Variants in NAALADL2 observed in about 807,000 individuals in gnomAD.
NAALADL2 encodes inactive N-acetylated-alpha-linked acidic dipeptidase-like protein 2.
NAALADL2 carries 76 observed loss-of-function variants against 87.2 expected under a neutral mutation model. The ratio of observed to expected loss-of-function variants is 0.87; its 90% CI spans 0.72 to 1.05. The LOEUF is 1.05. Among genes scored for constraint, NAALADL2 ranks in the 50% least tolerant of loss-of-function variants. The pLI is 0.00. For missense variants in NAALADL2, 1,089 were observed against 945.8 expected (o/e 1.15, Z -1.99); for synonymous variants, 354 against 331.0 (o/e 1.07, Z -0.75).
chr3:174,858,828 A>G (rs1246389409), upstream of NAALADL2, among the ~76,000 whole-genome samples: 1 of 151,966 alleles, frequency 6.6e-6, no homozygotes, highest in African/African-American at 2.4e-5. Context: ...TCTATTTTAT[A>G]GTTTAGGAAA....
chr3:174,696,512 ATTTATTAATTACCTTACCT>A (rs1362001190), intron 2 of NAALADL2, among the ~76,000 whole-genome samples: 1 of 149,370 alleles, frequency 6.7e-6, no homozygotes, highest in Admixed American at 6.8e-5. Flanking sequence ...TACTGCTATC[ATTTATTAATTACCTTACCT>A]TTTTCTCACC....
chr3:174,607,156 C>T (rs1161833586), intron 2 of NAALADL2, among the ~76,000 whole-genome samples: 4 of 151,926 alleles, frequency 2.6e-5, no homozygotes, highest in East Asian at 1.9e-4. Context: ...TAAAAGAGCT[C>T]CTGAAGTAAG....
intron 2 of NAALADL2, among the ~76,000 whole-genome samples, chr3:174,708,024 CA>C (rs892533671): frequency 6.6e-6 from 1 of 151,656 alleles, no homozygotes; most frequent in Non-Finnish European, 1.5e-5. Context: ...TACTTCAATA[CA>C]AAAAAAATCT....
At chr3:175,394,881 T>TTTGAAGACAAA (rs1769559961) in intron 5 of NAALADL2, among the ~76,000 whole-genome samples, 1 of 152,188 alleles carries the variant, frequency 6.6e-6, no homozygotes, top group Non-Finnish European at 1.5e-5. Context: ...CTTCTCACAA[T>TTTGAAGACAAA]TTGACAGACA....
chr3:174,929,594 A>G (rs1168781310), intron 1 of NAALADL2, among the ~76,000 whole-genome samples: 1 of 151,838 alleles, frequency 6.6e-6, no homozygotes, highest in South Asian at 2.1e-4. Context: ...ATGAAAATTT[A>G]TTTTATTTTT....
At chr3:174,705,445 A>G (rs755618801) in intron 2 of NAALADL2, among the ~76,000 whole-genome samples, 1 of 152,152 alleles carries the variant, frequency 6.6e-6, no homozygotes, top group Non-Finnish European at 1.5e-5. Context: ...CACAGTTACA[A>G]TATATTCCAG....
chr3:175,561,801 T>C (rs1023400355), intron 9 of NAALADL2, among the ~76,000 whole-genome samples: 1 of 152,204 alleles, frequency 6.6e-6, no homozygotes, highest in African/African-American at 2.4e-5. Context: ...ATATGACTTT[T>C]AGGAGGGAAC....
At chr3:175,715,108 G>T (rs559555542) in intron 11 of NAALADL2, among the ~76,000 whole-genome samples, 1 of 152,078 alleles carries the variant, frequency 6.6e-6, no homozygotes, top group Non-Finnish European at 1.5e-5. Flanking sequence ...TTAATCATAC[G>T]TGGAACCTTT....
At chr3:175,517,962 G>A (rs1732116226) in intron 9 of NAALADL2, among the ~76,000 whole-genome samples, 1 of 152,150 alleles carries the variant, frequency 6.6e-6, no homozygotes, top group South Asian at 2.1e-4. Context: ...TATGGAAATG[G>A]GCTTTCCACT....
intron 2 of NAALADL2, among the ~76,000 whole-genome samples, chr3:174,580,420 TG>T (rs999135508): frequency 6.6e-6 from 1 of 152,216 alleles, no homozygotes; most frequent in South Asian, 2.1e-4. Flanking sequence ...GGGAAATACT[TG>T]ACATATAATA....
chr3:175,714,356 A>C (rs1250173742), intron 11 of NAALADL2, among the ~76,000 whole-genome samples: 1 of 152,088 alleles, frequency 6.6e-6, no homozygotes, highest in Non-Finnish European at 1.5e-5. Context: ...AACAGTGTAA[A>C]AGCATCCCTA....
intron 9 of NAALADL2, among the ~76,000 whole-genome samples, chr3:175,501,100 A>G (rs959939371): frequency 3.9e-5 from 6 of 152,118 alleles, no homozygotes; most frequent in Admixed American, 6.6e-5. Context: ...AGGATTTTAT[A>G]GGGGTAGATT....
intron 1 of NAALADL2, among the ~76,000 whole-genome samples, chr3:174,940,854 G>C (rs1324479562): frequency 6.6e-6 from 1 of 151,794 alleles, no homozygotes; most frequent in Non-Finnish European, 1.5e-5. Flanking sequence ...GTCACTGGTA[G>C]CATTCCTTTT....
chr3:175,759,194 A>G (rs1256506835), intron 13 of NAALADL2, among the ~76,000 whole-genome samples: 1 of 152,102 alleles, frequency 6.6e-6, no homozygotes, highest in South Asian at 2.1e-4. Context: ...CCCTACCTTC[A>G]AGGAGCTTCA....
chr3:175,083,276 T>C (rs1718230751), intron 1 of NAALADL2, among the ~76,000 whole-genome samples: 1 of 152,206 alleles, frequency 6.6e-6, no homozygotes, highest in Non-Finnish European at 1.5e-5. Flanking sequence ...GTCTTTGTTT[T>C]CTTTTTCAGA....
At chr3:175,431,627 A>C (rs1185401060) in intron 5 of NAALADL2, among the ~76,000 whole-genome samples, 1 of 151,982 alleles carries the variant, frequency 6.6e-6, no homozygotes, top group Non-Finnish European at 1.5e-5. Flanking sequence ...AATGGGATTC[A>C]CAGTAACGTG....
intron 3 of NAALADL2, among the ~76,000 whole-genome samples, chr3:174,741,151 T>A (rs1301922644): frequency 6.6e-6 from 1 of 151,754 alleles, no homozygotes; most frequent in Non-Finnish European, 1.5e-5. Context: ...CTTGCTGATA[T>A]TCTAAGTCTT....
At chr3:175,155,702 C>T (rs932066618) in intron 2 of NAALADL2, among the ~76,000 whole-genome samples, 6 of 152,042 alleles carry the variant, frequency 3.9e-5, no homozygotes, top group African/African-American at 1.4e-4. Flanking sequence ...ATGACTATTA[C>T]ATTTAGAATA....
chr3:175,658,438 C>T lies in NAALADL2; in HGVS notation c.1896+31052C>T, dbSNP rs114756326. ...ATATATTATTTTTAGATTGAAACTC[C>T]GATACTACCTTGAAGGGCTTTTTTT... On this transcript the variant is annotated intron_variant, in intron 11 of 13. Transcript: ENST00000454872. 1.7e-3 allele frequency among the ~76,000 whole-genome samples: 252 copies of T among 152,088 alleles called. 2 individuals carry two copies. Among genetic ancestry groups the T allele is most frequent in the African/African-American group, 5.6e-3 (231 of 41,474 alleles).
Sources: gnomAD v4.1 joint callset for allele counts (sites outside exome capture counted in the v4.1 genomes callset) on GRCh38, gnomAD v4.1.1 for gene constraint, MANE v1.5 for transcripts, NCBI Gene and HGNC (gene_info 2026-07-23, HGNC 2026-07-21) for gene names.